Variants in DYNC1I1 observed in about 807,000 individuals in gnomAD.
DYNC1I1 encodes the protein cytoplasmic dynein 1 intermediate chain 1.
Under a neutral mutation model 86.6 loss-of-function variants are expected in DYNC1I1, and 43 were observed. The ratio of observed to expected loss-of-function variants is 0.50; its 90% CI spans 0.39 to 0.64. The LOEUF is 0.64. DYNC1I1 is among the 30% of genes least tolerant of loss of function. The pLI is 0.00. For missense variants in DYNC1I1, 604 were observed against 788.8 expected (o/e 0.77, Z 2.81); for synonymous variants, 262 against 283.7 (o/e 0.92, Z 0.77).
chr7:95,856,963 A>C (rs1232791681), intron 5 of DYNC1I1, among the ~76,000 whole-genome samples: 2 of 152,002 alleles, frequency 1.3e-5, no homozygotes, highest in Non-Finnish European at 2.9e-5. Flanking sequence ...TGGGCGACAG[A>C]GTGAGAATCC....
intron 5 of DYNC1I1, among the ~76,000 whole-genome samples, chr7:95,849,424 C>G (rs1386280240): frequency 6.6e-6 from 1 of 152,040 alleles, no homozygotes; most frequent in African/African-American, 2.4e-5. Context: ...TAATTTTATT[C>G]TTCTGCATGT....
intron 13 of DYNC1I1, among the ~76,000 whole-genome samples, chr7:96,038,301 A>G (rs560559103): frequency 3.3e-5 from 5 of 152,314 alleles, no homozygotes; most frequent in African/African-American, 7.2e-5. Flanking sequence ...CAATTCCTAC[A>G]TATTTGTCAT....
intron 6 of DYNC1I1, among the ~76,000 whole-genome samples, chr7:95,921,313 T>C (rs1268642726): frequency 6.6e-6 from 1 of 152,212 alleles, no homozygotes; most frequent in East Asian, 1.9e-4. Context: ...GAGTATGTTA[T>C]TATGACTATG....
chr7:95,972,494 C>A (rs2115596086), intron 6 of DYNC1I1, among the ~76,000 whole-genome samples: 1 of 152,208 alleles, frequency 6.6e-6, no homozygotes, highest in African/African-American at 2.4e-5. Flanking sequence ...AAACTCTTTC[C>A]CCCTGGGCTT....
rs1791057211 is a variant in DYNC1I1 at position 96,097,643 on chromosome 7, C to T, written c.*50C>T. 1 of 1,607,772 alleles carries T rather than the reference C, an allele frequency of 6.2e-7. No homozygotes were observed. Among genetic ancestry groups the T allele is most frequent in the African/African-American group, 1.3e-5 (1 of 74,898 alleles). On this transcript the variant is annotated 3_prime_UTR_variant, in exon 17 of 17. Coordinates refer to ENST00000447467, the MANE Select transcript of DYNC1I1 (RefSeq NM_001135556.2). ...GCCCCCACCTTTGTGTCCTAGAGCTCAGCGTCTGCAGTCAAGTCTCTTGTA... is the reference window on the plus strand; with the variant it reads ...GCCCCCACCTTTGTGTCCTAGAGCTTAGCGTCTGCAGTCAAGTCTCTTGTA...
At chr7:95,944,172 T>G (rs1792325934) in intron 6 of DYNC1I1, among the ~76,000 whole-genome samples, 1 of 151,904 alleles carries the variant, frequency 6.6e-6, no homozygotes, top group South Asian at 2.1e-4. Context: ...TCAAACAAAT[T>G]TACAAGAAAA....
At chr7:96,067,584 CT>C (rs1196689126) in intron 14 of DYNC1I1, among the ~76,000 whole-genome samples, 1 of 152,002 alleles carries the variant, frequency 6.6e-6, no homozygotes, top group Non-Finnish European at 1.5e-5. Context: ...TTACCTCCAC[CT>C]CTACCCTACC....
downstream of DYNC1I1, chr7:96,110,077 T>C (rs185004446): frequency 1.2e-3 from 514 of 442,670 alleles, 1 homozygote; most frequent in African/African-American, 9.6e-3. Flanking sequence ...CATGAGCCAC[T>C]GTGCCCAGCT....
intron 10 of DYNC1I1, among the ~76,000 whole-genome samples, chr7:96,000,755 A>G (rs140255933): frequency 3.9e-5 from 6 of 152,288 alleles, no homozygotes; most frequent in African/African-American, 1.2e-4. Context: ...CCAAAAAGCA[A>G]CTCATGAAGA....
At chr7:95,832,495 G>C (rs989166170) in intron 5 of DYNC1I1, among the ~76,000 whole-genome samples, 1 of 151,874 alleles carries the variant, frequency 6.6e-6, no homozygotes, top group Non-Finnish European at 1.5e-5. Flanking sequence ...GTAATGGGAT[G>C]GCTGGGTCAA....
chr7:95,968,822 CTCTGTGTGTG>C (rs1369541366), intron 6 of DYNC1I1, among the ~76,000 whole-genome samples: 1,926 of 133,600 alleles, frequency 0.014, 36 homozygotes, highest in African/African-American at 0.025. Context: ...GAATTTTTTG[CTCTGTGTGTG>C]TGTGTGTGTG....
At chr7:95,999,873 A>G (rs1264075321) in intron 10 of DYNC1I1, among the ~76,000 whole-genome samples, 1 of 152,126 alleles carries the variant, frequency 6.6e-6, no homozygotes, top group Non-Finnish European at 1.5e-5. Flanking sequence ...TTCTTCCTCC[A>G]TCAATTTTTG....
At chr7:96,073,530 A>T (rs770469199) in intron 14 of DYNC1I1, among the ~76,000 whole-genome samples, 6 of 152,234 alleles carry the variant, frequency 3.9e-5, no homozygotes, top group Non-Finnish European at 8.8e-5. Flanking sequence ...TTAAAGCTGG[A>T]TGGTCTTTTA....
chr7:96,088,634 C>A (rs1790751675), intron 16 of DYNC1I1, among the ~76,000 whole-genome samples: 1 of 152,180 alleles, frequency 6.6e-6, no homozygotes, highest in African/African-American at 2.4e-5. Flanking sequence ...TCTCTCCAAT[C>A]ATCTGTGAAT....
chr7:96,023,517 A>G (rs1773352398), intron 10 of DYNC1I1, among the ~76,000 whole-genome samples: 2 of 152,156 alleles, frequency 1.3e-5, no homozygotes, highest in South Asian at 2.1e-4. Context: ...CACAAAATAG[A>G]AAACAGCCTC....
chr7:96,064,152 A>G (rs1562991084), intron 14 of DYNC1I1, among the ~76,000 whole-genome samples: 2 of 151,900 alleles, frequency 1.3e-5, no homozygotes, highest in Non-Finnish European at 2.9e-5. Flanking sequence ...GTTTCTAAGC[A>G]TCATTGTTCT....
chr7:95,841,137 G>A (rs908237800), intron 5 of DYNC1I1, among the ~76,000 whole-genome samples: 5 of 152,192 alleles, frequency 3.3e-5, no homozygotes, highest in Admixed American at 3.3e-4. Flanking sequence ...GAACAGACAA[G>A]CTAGAGGCCA....
chr7:95,808,995 G>T (rs932647497), intron 2 of DYNC1I1, among the ~76,000 whole-genome samples: 4 of 152,188 alleles, frequency 2.6e-5, no homozygotes, highest in Middle Eastern at 6.8e-3. Context: ...AATTGGAAAA[G>T]AACATGAACT....
At chr7:95,925,997 A>G (rs903452510) in intron 6 of DYNC1I1, among the ~76,000 whole-genome samples, 1 of 152,326 alleles carries the variant, frequency 6.6e-6, no homozygotes, top group African/African-American at 2.4e-5. Context: ...GCCCTGTTGC[A>G]TATATTTAGT....
Sources: allele counts gnomAD v4.1 joint callset (sites outside exome capture counted in the v4.1 genomes callset), GRCh38; gene constraint gnomAD v4.1.1; transcripts MANE v1.5; gene names NCBI Gene and HGNC (gene_info 2026-07-23, HGNC 2026-07-21).